Variants in TMEM232 observed in about 807,000 individuals in gnomAD.
The protein encoded by TMEM232 is transmembrane protein 232.
TMEM232 carries 80 observed loss-of-function variants against 78.8 expected under a neutral mutation model. The observed-to-expected ratio is 1.01, with a 90% CI of 0.85 to 1.22. The LOEUF (loss-of-function observed/expected upper bound fraction) is 1.22. Among genes scored for constraint, TMEM232 ranks in the 50% most tolerant of loss-of-function variants. The pLI is 0.00. For missense variants in TMEM232, 881 were observed against 742.2 expected, an observed-to-expected ratio of 1.19 and a Z score of -2.17; for synonymous variants, 297 against 254.3, an observed-to-expected ratio of 1.17 and a Z score of -1.60.
chr5:110,705,060 G>A (rs112306554), intron 1 of TMEM232, among the ~76,000 whole-genome samples: 9,047 of 152,204 alleles, frequency 0.059, 379 homozygotes, highest in Non-Finnish European at 0.091. Flanking sequence ...AATGTGAAAA[G>A]CCTTTTGGCA....
intron 7 of TMEM232, among the ~76,000 whole-genome samples, chr5:110,620,955 T>TGGGTCA (rs1489402224): frequency 1.4e-5 from 2 of 142,812 alleles, no homozygotes; most frequent in Non-Finnish European, 3.0e-5. Context: ...CTCCGCCTCC[T>TGGGTCA]GGGTTCAGGC....
chr5:110,523,073 A>C (rs1769786520), intron 12 of TMEM232, among the ~76,000 whole-genome samples: 1 of 152,194 alleles, frequency 6.6e-6, no homozygotes, highest in Non-Finnish European at 1.5e-5. Context: ...TTACTGATTC[A>C]ATCTCCATAG....
Position 110,700,774 on chromosome 5 carries a change from A to ATAGATAGG in TMEM232, c.-13+25852_-13+25853insCCTATCTA, listed in dbSNP as rs1208650571. Reference sequence around the variant, plus strand: ...GATAGGTAGGTAGGTAGGTAGGTAGATAGATAGATAGGTAGATAGATAGAT... The same window carrying ATAGATAGG: ...GATAGGTAGGTAGGTAGGTAGGTAGATAGATAGGTAGATAGATAGGTAGATAGATAGAT... On this transcript the variant is annotated intron_variant, in intron 1 of 13. Transcript: ENST00000455884. 6.4e-4 allele frequency among the ~76,000 whole-genome samples: 80 copies of ATAGATAGG among 124,196 alleles called. 1 individual carries two copies. The highest frequency in any genetic ancestry group is 1.9e-3 in the African/African-American group (62 of 31,916). The allele number at this position is 124,196 out of a possible 152,430, so 81.5% of individuals were successfully genotyped here.
chr5:110,659,191 C>T (rs1329482887), intron 2 of TMEM232, among the ~76,000 whole-genome samples: 3 of 152,068 alleles, frequency 2.0e-5, no homozygotes, highest in African/African-American at 7.2e-5. Context: ...AATTAATAAT[C>T]ATAATAATTG....
intron 12 of TMEM232, among the ~76,000 whole-genome samples, chr5:110,479,785 C>A (rs959653322): frequency 6.6e-6 from 1 of 151,790 alleles, no homozygotes; most frequent in Non-Finnish European, 1.5e-5. Flanking sequence ...TGAGACACTA[C>A]TGAATACAAG....
At position 110,528,644 on chromosome 5, in the gene TMEM232, T is replaced by G; in HGVS notation, c.1647A>C (p.Lys549Asn). The G allele has an allele frequency of 3.3e-6, 5 of 1,533,608 alleles. No homozygotes were observed. The highest frequency in any genetic ancestry group is 4.4e-6 in the Non-Finnish European group (5 of 1,145,490). ...CAGACTCCAGCTTTTTATTTGGATA[T>G]TTTGTTTGATCCTTTTTTATTGATG... ...KKPSIKKDQT[K>N]YPNKKLESVK... Residue 549 changes from lysine (K) to asparagine (N), a missense_variant, in exon 12 of 14, where the codon AAA becomes AAC. Physicochemically the swap from Lys to Asn is moderately conservative, Grantham distance 94 (BLOSUM62 0). Transcript: ENST00000455884.
chr5:110,530,329 G>A (rs973233493), intron 11 of TMEM232, among the ~76,000 whole-genome samples: 2 of 152,154 alleles, frequency 1.3e-5, no homozygotes, highest in Non-Finnish European at 2.9e-5. Context: ...AAAGGATAAG[G>A]TGAAAATCAT....
chr5:110,548,335 ATAT>A (rs1202507478), intron 11 of TMEM232, among the ~76,000 whole-genome samples: 15 of 149,574 alleles, frequency 1.0e-4, no homozygotes, highest in East Asian at 9.7e-4. Context: ...TAAATATTAA[ATAT>A]TATTAATCAT....
intron 1 of TMEM232, among the ~76,000 whole-genome samples, chr5:110,726,056 G>A (rs1419816836): frequency 1.3e-5 from 2 of 150,544 alleles, no homozygotes; most frequent in African/African-American, 2.5e-5. Flanking sequence ...CAAGATTAAC[G>A]GCTTTTAAAA....
intron 1 of TMEM232, among the ~76,000 whole-genome samples, chr5:110,715,583 C>T (rs1053699705): frequency 6.6e-6 from 1 of 152,146 alleles, no homozygotes; most frequent in African/African-American, 2.4e-5. Context: ...TACATTAATA[C>T]ATTTTCTAAG....
chr5:110,669,989 A>G (rs999157235), intron 1 of TMEM232, among the ~76,000 whole-genome samples: 5 of 152,194 alleles, frequency 3.3e-5, no homozygotes, highest in African/African-American at 9.7e-5. Context: ...TCTCAAAATA[A>G]TAAGAGCTAT....
At chr5:110,630,192 G>T (rs1309218386) in intron 5 of TMEM232, among the ~76,000 whole-genome samples, 1 of 152,160 alleles carries the variant, frequency 6.6e-6, no homozygotes, top group Non-Finnish European at 1.5e-5. Flanking sequence ...AGTTATATTA[G>T]CTAGAATAAT....
chr5:110,483,523 C>G (rs372117936), intron 12 of TMEM232, among the ~76,000 whole-genome samples: 2 of 151,948 alleles, frequency 1.3e-5, no homozygotes, highest in East Asian at 3.9e-4. Flanking sequence ...ACCGCATGTT[C>G]TCACTCATAG....
At chr5:110,408,201 G>C (rs1755864199) in intron 2 of TMEM232, among the ~76,000 whole-genome samples, 1 of 152,082 alleles carries the variant, frequency 6.6e-6, no homozygotes, top group South Asian at 2.1e-4. Flanking sequence ...CAACCTAATG[G>C]TGCACCTCAA....
intron 1 of TMEM232, among the ~76,000 whole-genome samples, chr5:110,696,289 G>C (rs1794770814): frequency 6.6e-6 from 1 of 152,174 alleles, no homozygotes; most frequent in African/African-American, 2.4e-5. Flanking sequence ...ATTAGGTATT[G>C]ATGGGACGTA....
At chr5:110,646,580 C>T (rs1398276607) in intron 2 of TMEM232, among the ~76,000 whole-genome samples, 1 of 151,766 alleles carries the variant, frequency 6.6e-6, no homozygotes, top group East Asian at 1.9e-4. Flanking sequence ...AAATGTAAGG[C>T]CTGAAACTGT....
chr5:110,564,235 T>A (rs1368594700), intron 11 of TMEM232, among the ~76,000 whole-genome samples: 2 of 151,932 alleles, frequency 1.3e-5, no homozygotes. Flanking sequence ...GAAAAAAATA[T>A]GTATTTCCTG....
intron 11 of TMEM232, among the ~76,000 whole-genome samples, chr5:110,555,215 T>C (rs553222023): frequency 6.6e-6 from 1 of 152,308 alleles, no homozygotes; most frequent in South Asian, 2.1e-4. Context: ...TGTTGTATCT[T>C]TGTTTTCATA....
chr5:110,612,747 T>C (rs1782467292), intron 8 of TMEM232, among the ~76,000 whole-genome samples: 1 of 152,192 alleles, frequency 6.6e-6, no homozygotes, highest in African/African-American at 2.4e-5. Flanking sequence ...TTGGAAGATA[T>C]AATTTTACGT....
Sources: gnomAD v4.1 joint callset for allele counts (sites outside exome capture counted in the v4.1 genomes callset) on GRCh38, gnomAD v4.1.1 for gene constraint, MANE v1.5 for transcripts, NCBI Gene and HGNC (gene_info 2026-07-23, HGNC 2026-07-21) for gene names.